PARP16: variants seen among roughly 807,000 people sequenced by gnomAD.
PARP16 encodes poly(ADP-ribose) polymerase family member 16.
A neutral mutation model predicts 35.0 loss-of-function variants in PARP16; 31 were observed. The ratio of observed to expected loss-of-function variants is 0.88; its 90% CI spans 0.66 to 1.19. PARP16 has a LOEUF of 1.19. Among genes scored for constraint, PARP16 ranks in the 50% most tolerant of loss-of-function variants. PARP16 has a pLI of 0.00. For missense variants in PARP16, 424 were observed against 411.2 expected (o/e 1.03, Z -0.27); for synonymous variants, 162 against 169.5 (o/e 0.96, Z 0.34).
At chr15:65,240,309 T>TGGGG (rs34983139) in intron 3 of PARP16, among the ~76,000 whole-genome samples, 2 of 86,574 alleles carry the variant, frequency 2.3e-5, no homozygotes, top group African/African-American at 6.8e-5. Flanking sequence ...TGTGTGTGTG[T>TGGGG]GGTGGGGGGG....
chr15:65,250,965 C>A (rs1331243798), intron 2 of PARP16, among the ~76,000 whole-genome samples: 1 of 152,186 alleles, frequency 6.6e-6, no homozygotes, highest in Non-Finnish European at 1.5e-5. Flanking sequence ...CTCGCTACAA[C>A]CTTTGCCTCC....
chr15:65,283,849 T>C (rs985050314), intron 1 of PARP16, among the ~76,000 whole-genome samples: 1 of 152,248 alleles, frequency 6.6e-6, no homozygotes, highest in Admixed American at 6.5e-5. Context: ...CCCAAGGTCC[T>C]GATACACCAC....
downstream of PARP16, among the ~76,000 whole-genome samples, chr15:65,232,836 G>A (rs573615457): frequency 9.2e-5 from 14 of 152,048 alleles, no homozygotes; most frequent in East Asian, 2.3e-3. Context: ...AGGGAGGATC[G>A]CGTGAGAACC....
chr15:65,259,212 G>T lies in PARP16; in HGVS notation c.*195C>A, dbSNP rs1312897551. The T allele has an allele frequency of 7.9e-6, 5 of 635,508 alleles. No individual in the cohort carries two copies. The highest frequency in any genetic ancestry group is 1.4e-5 in the Non-Finnish European group (5 of 352,316). 39.4% of individuals were successfully genotyped at this position (635,508 alleles called of 1,614,324 possible). The stretch of plus-strand genomic sequence containing the variant: ...CCTAAAACCTAAGAGTGAGGGACTA[G>T]TAGTCCCCGTTGACTGGAGTATGGC... On this transcript the variant is annotated 3_prime_UTR_variant, in exon 6 of 6. Coordinates refer to ENST00000649807, the MANE Select transcript of PARP16 (RefSeq NM_001316943.2).
At chr15:65,284,829 T>C (rs1344370024) in intron 1 of PARP16, among the ~76,000 whole-genome samples, 5 of 142,636 alleles carry the variant, frequency 3.5e-5, no homozygotes, top group East Asian at 4.1e-4. Context: ...TTTTTTTTTT[T>C]TTTTTTGAGA....
chr15:65,286,313 C>T lies in PARP16; in HGVS notation c.114G>A (p.Ser38=), dbSNP rs770692681. ...ASALQSYKRD[S]VLRPFPASYA... ...AGGACGCGGGGAAGGGCCGCAGCAC[C>T]GAGTCGCGCTTGTAGCTCTGCAGGG... The change falls in exon 1 of 6, where the codon TCG becomes TCA. Residue 38 remains serine, a synonymous_variant. Transcript: ENST00000649807. The T allele has an allele frequency of 6.2e-7, 1 of 1,603,926 alleles. No individual in the cohort carries two copies. Among genetic ancestry groups the T allele is most frequent in the Non-Finnish European group, 8.5e-7 (1 of 1,176,500 alleles).
At chr15:65,256,407 CT>C (rs11422149), downstream of PARP16, among the ~76,000 whole-genome samples, 1,202 of 121,478 alleles carry the variant, frequency 9.9e-3, 5 homozygotes, top group African/African-American at 0.034. Context: ...CTGCCCACGG[CT>C]TTTTTTTTTT....
rs1273796878 is a variant in PARP16, at chr15:65,258,696, C to T, written c.*711G>A. 1 of 152,598 alleles carries T rather than the reference C, an allele frequency of 6.6e-6. No individual in the cohort carries two copies. The highest frequency in any genetic ancestry group is 6.5e-5 in the Admixed American group (1 of 15,272). The allele number at this position is 152,598 out of a possible 1,614,324, so 9.5% of individuals were successfully genotyped here. On this transcript the variant is annotated 3_prime_UTR_variant, in exon 6 of 6. Coordinates refer to ENST00000649807, the MANE Select transcript of PARP16 (RefSeq NM_001316943.2). Reference sequence around the variant, plus strand: ...AAACAAACATTTGGTTCCATTTCAGCTGTAATCAGCAGTTGGTAATTTTTG... The same window carrying T: ...AAACAAACATTTGGTTCCATTTCAGTTGTAATCAGCAGTTGGTAATTTTTG...
chr15:65,248,629 A>C (rs1032165033), intron 2 of PARP16, among the ~76,000 whole-genome samples: 2 of 152,306 alleles, frequency 1.3e-5, no homozygotes, highest in Non-Finnish European at 2.9e-5. Flanking sequence ...AGCTAGACAA[A>C]GGCAAAGCTG....
chr15:65,266,436 T>A, intron 3 of PARP16, 126 bp downstream of exon 3: 1 of 722,836 alleles, frequency 1.4e-6, no homozygotes, highest in Non-Finnish European at 2.4e-6. Context: ...ACATTTTGAG[T>A]GAGAAGGCGT....
intron 3 of PARP16, among the ~76,000 whole-genome samples, chr15:65,239,945 C>T (rs376451310): frequency 2.1e-5 from 2 of 97,002 alleles, no homozygotes; most frequent in Admixed American, 1.1e-4. Context: ...CGTGAGCCAC[C>T]GCGTCTGACC....
intron 1 of PARP16, among the ~76,000 whole-genome samples, chr15:65,283,710 T>C (rs1404592229): frequency 2.0e-5 from 3 of 152,228 alleles, no homozygotes; most frequent in Non-Finnish European, 4.4e-5. Context: ...TTCCATGTTG[T>C]ACGGCGCTTA....
chr15:65,277,612 G>A (rs2090295558), intron 1 of PARP16, among the ~76,000 whole-genome samples: 1 of 152,216 alleles, frequency 6.6e-6, no homozygotes, highest in Admixed American at 6.5e-5. Context: ...CCTTGCCTAG[G>A]GGCACACAGC....
downstream of PARP16, among the ~76,000 whole-genome samples, chr15:65,231,380 T>C (rs1206997602): frequency 6.6e-6 from 1 of 152,064 alleles, no homozygotes; most frequent in African/African-American, 2.4e-5. Context: ...TTCTAAGGTT[T>C]CCTTTTCTAT....
intron 2 of PARP16, among the ~76,000 whole-genome samples, chr15:65,268,261 T>C (rs1431677800): frequency 6.6e-6 from 1 of 152,180 alleles, no homozygotes; most frequent in Non-Finnish European, 1.5e-5. Flanking sequence ...TCTTTGCTGC[T>C]GAGAACCCCT....
chr15:65,271,522 G>C (rs548297149), intron 1 of PARP16, among the ~76,000 whole-genome samples: 1 of 152,234 alleles, frequency 6.6e-6, no homozygotes, highest in South Asian at 2.1e-4. Context: ...TGATCCCCCT[G>C]CCTCGGCCTT....
downstream of PARP16, among the ~76,000 whole-genome samples, chr15:65,233,652 C>T (rs1004214294): frequency 1.7e-4 from 25 of 150,800 alleles, no homozygotes; most frequent in African/African-American, 5.9e-4. Flanking sequence ...ACGAGAATCC[C>T]TTGAGCCTTG....
At chr15:65,275,982 C>T (rs925299965) in intron 1 of PARP16, among the ~76,000 whole-genome samples, 2 of 152,178 alleles carry the variant, frequency 1.3e-5, no homozygotes, top group Non-Finnish European at 2.9e-5. Context: ...GGACAGTCAG[C>T]TAGCCAGGTG....
chr15:65,256,893 C>T (rs1405137932), downstream of PARP16, among the ~76,000 whole-genome samples: 1 of 152,208 alleles, frequency 6.6e-6, no homozygotes, highest in Non-Finnish European at 1.5e-5. Context: ...ACCAATTCCT[C>T]TGGGGGAAGG....
Sources: allele counts gnomAD v4.1 joint callset (sites outside exome capture counted in the v4.1 genomes callset), GRCh38; gene constraint gnomAD v4.1.1; transcripts MANE v1.5; gene names NCBI Gene and HGNC (gene_info 2026-07-23, HGNC 2026-07-21).